The following GRXCR1 variants were observed in gnomAD, a reference collection of about 807,000 sequenced individuals.
The protein encoded by GRXCR1 is glutaredoxin and cysteine rich domain containing 1, also known as glutaredoxin domain-containing cysteine-rich protein 1.
In GRXCR1, 27 loss-of-function variants were observed where a neutral mutation model predicts 27.3. That is an observed-to-expected ratio of 0.99 (90% confidence interval 0.73 to 1.37). GRXCR1 has a LOEUF of 1.37. Among genes scored for constraint, GRXCR1 ranks in the 40% most tolerant of loss-of-function variants. The probability of loss-of-function intolerance (pLI) is 0.00; values close to 1 mark genes in which losing one functional copy is unlikely to be tolerated. For missense variants in GRXCR1, 379 were observed against 354.4 expected, an observed-to-expected ratio of 1.07 and a Z score of -0.56; for synonymous variants, 122 against 131.1, an observed-to-expected ratio of 0.93 and a Z score of 0.47.
At position 42,963,165 on chromosome 4, in the gene GRXCR1, A is replaced by C. The variant is rs759822048; in HGVS notation, c.627+31A>C. 3.1e-6 allele frequency: 5 copies of C among 1,608,810 alleles called. No individual in the cohort carries two copies. In the African/African-American group the frequency reaches 6.7e-5, roughly 22 times the overall value. Reference sequence around the variant, plus strand: ...TAAGCTGCCCAGGAAAGTCTTTTTCATAGAACCCAACCAGGGCTGATAGAA... The same window carrying C: ...TAAGCTGCCCAGGAAAGTCTTTTTCCTAGAACCCAACCAGGGCTGATAGAA... On this transcript the variant is annotated intron_variant, in intron 2 of 3. Transcript: ENST00000399770.
chr4:42,966,729 C>A (rs1030945109), intron 2 of GRXCR1, among the ~76,000 whole-genome samples: 1 of 152,062 alleles, frequency 6.6e-6, no homozygotes, highest in African/African-American at 2.4e-5. Context: ...TGGATATTAG[C>A]CATTCTAATA....
chr4:42,932,533 G>C (rs566875497), intron 1 of GRXCR1, among the ~76,000 whole-genome samples: 1 of 136,562 alleles, frequency 7.3e-6, no homozygotes, highest in African/African-American at 2.7e-5. Context: ...AAGAGAAATA[G>C]ATCAGGCCAA....
At chr4:42,940,149 T>C (rs1416291153) in intron 1 of GRXCR1, among the ~76,000 whole-genome samples, 2 of 152,044 alleles carry the variant, frequency 1.3e-5, no homozygotes, top group African/African-American at 4.8e-5. Flanking sequence ...TCTGCTGGAA[T>C]TCCTGGAGGT....
intron 2 of GRXCR1, among the ~76,000 whole-genome samples, chr4:42,972,627 T>A (rs1748416563): frequency 1.3e-5 from 2 of 152,180 alleles, no homozygotes; most frequent in South Asian, 4.1e-4. Context: ...ACATGCATTA[T>A]CTCTTACTTT....
intron 1 of GRXCR1, among the ~76,000 whole-genome samples, chr4:42,962,594 A>G (rs1748149836): frequency 6.6e-6 from 1 of 152,008 alleles, no homozygotes; most frequent in Non-Finnish European, 1.5e-5. Flanking sequence ...AAAATATTTC[A>G]GTCATTTACT....
chr4:42,999,053 C>T (rs1712267019), intron 2 of GRXCR1, among the ~76,000 whole-genome samples: 1 of 152,118 alleles, frequency 6.6e-6, no homozygotes, highest in Non-Finnish European at 1.5e-5. Context: ...AGGTCCCTGA[C>T]CACTTAGGAT....
intron 3 of GRXCR1, among the ~76,000 whole-genome samples, chr4:43,022,098 C>A (rs1412254013): frequency 6.6e-6 from 1 of 152,166 alleles, no homozygotes; most frequent in Admixed American, 6.5e-5. Flanking sequence ...TGAAGTCATT[C>A]ACTTACATTA....
At chr4:43,027,644 T>C (rs1316730836) in intron 3 of GRXCR1, among the ~76,000 whole-genome samples, 1 of 152,210 alleles carries the variant, frequency 6.6e-6, no homozygotes, top group Admixed American at 6.5e-5. Flanking sequence ...GCTTTGTTGT[T>C]CTTTGCTTGT....
In GRXCR1 at chr4:42,893,482, G is replaced by T. The variant is rs925650890; in HGVS notation, c.216G>T (p.Glu72Asp). Residue 72 changes from glutamate to aspartate, a missense_variant, in exon 1 of 4, where the codon GAG becomes GAT. Transcript: ENST00000399770. ...QNGHIESEGD[E>D]NENDQDSLLV... The stretch of plus-strand genomic sequence containing the variant: ...GCCACATAGAGTCAGAAGGTGATGA[G>T]AATGAGAATGACCAGGATAGCTTGC... The T allele has an allele frequency of 6.2e-7, 1 of 1,613,868 alleles. No homozygotes were observed. Among genetic ancestry groups the T allele is most frequent in the East Asian group, 2.2e-5 (1 of 44,852 alleles).
chr4:42,921,369 G>T (rs1441346032), intron 1 of GRXCR1, among the ~76,000 whole-genome samples: 1 of 151,988 alleles, frequency 6.6e-6, no homozygotes, highest in Non-Finnish European at 1.5e-5. Flanking sequence ...CAGCCCAAGT[G>T]GTCTAAGACA....
chr4:42,958,060 T>C (rs533413705), intron 1 of GRXCR1, among the ~76,000 whole-genome samples: 3 of 152,144 alleles, frequency 2.0e-5, no homozygotes, highest in African/African-American at 4.8e-5. Context: ...CCCATCTATC[T>C]TGAGAAGGCT....
chr4:42,982,170 G>T (rs1748687904), intron 2 of GRXCR1, among the ~76,000 whole-genome samples: 1 of 151,524 alleles, frequency 6.6e-6, no homozygotes, highest in African/African-American at 2.4e-5. Context: ...TCGTCATCTA[G>T]CATTAGCTAC....
intron 2 of GRXCR1, among the ~76,000 whole-genome samples, chr4:43,009,367 T>G (rs1457777937): frequency 6.6e-6 from 1 of 152,182 alleles, no homozygotes; most frequent in Non-Finnish European, 1.5e-5. Context: ...TTTTAAATTT[T>G]GGGTATAAGA....
At chr4:43,022,948 A>T (rs561906031) in intron 3 of GRXCR1, among the ~76,000 whole-genome samples, 2 of 152,338 alleles carry the variant, frequency 1.3e-5, no homozygotes, top group South Asian at 4.1e-4. Context: ...TGGCAAGGGA[A>T]TGGAGGTACA....
chr4:42,914,399 A>T (rs766345960), intron 1 of GRXCR1, among the ~76,000 whole-genome samples: 5 of 152,234 alleles, frequency 3.3e-5, no homozygotes, highest in African/African-American at 7.2e-5. Context: ...TTTAAGGTTT[A>T]ATAACTGCCC....
At chr4:42,896,090 A>T (rs1746340903) in intron 1 of GRXCR1, among the ~76,000 whole-genome samples, 1 of 152,128 alleles carries the variant, frequency 6.6e-6, no homozygotes, top group African/African-American at 2.4e-5. Context: ...AAAGCACTTA[A>T]CCTTAAACGT....
In GRXCR1 at chr4:42,935,662, G is replaced by A. The variant is rs113047724; in HGVS notation, c.385-27230G>A. 1.0e-2 allele frequency among the ~76,000 whole-genome samples: 1,518 copies of A among 152,006 alleles called. 30 individuals carry two copies. The highest frequency in any genetic ancestry group is 0.035 in the African/African-American group (1,450 of 41,520). On this transcript the variant is annotated intron_variant, in intron 1 of 3. Coordinates refer to ENST00000399770, the MANE Select transcript of GRXCR1 (RefSeq NM_001080476.3). Reference sequence around the variant, plus strand: ...GAAGAACCTCTGAGACATGGGATGAGTGTACAACGAAGGATAAACAGGCTG... The same window carrying A: ...GAAGAACCTCTGAGACATGGGATGAATGTACAACGAAGGATAAACAGGCTG...
intron 2 of GRXCR1, among the ~76,000 whole-genome samples, chr4:43,008,671 T>C (rs1712642551): frequency 6.6e-6 from 1 of 152,144 alleles, no homozygotes; most frequent in African/African-American, 2.4e-5. Flanking sequence ...CCCTAAGAGG[T>C]AGATATAATT....
In GRXCR1 at chr4:42,968,055, C is replaced by T. The variant is rs1260003482; in HGVS notation, c.627+4921C>T. ...ACTGATCAGCACTCTGCTGAGCAGCCAGTCTGGGCCCTCTACTTATATCCA... is the reference window on the plus strand; with the variant it reads ...ACTGATCAGCACTCTGCTGAGCAGCTAGTCTGGGCCCTCTACTTATATCCA... On this transcript the variant is annotated intron_variant, in intron 2 of 3. Transcript: ENST00000399770. Among the ~76,000 whole-genome samples, 6 of 152,206 alleles carry T rather than the reference C, an allele frequency of 3.9e-5. No homozygotes were observed. The East Asian group carries it at 9.7e-4, about 25-fold the overall frequency.
Sources: allele counts gnomAD v4.1 joint callset (sites outside exome capture counted in the v4.1 genomes callset), GRCh38; gene constraint gnomAD v4.1.1; transcripts MANE v1.5; gene names NCBI Gene and HGNC (gene_info 2026-07-23, HGNC 2026-07-21).